NDFIP1: variants seen among roughly 807,000 people sequenced by gnomAD.
The protein encoded by NDFIP1 is Nedd4 family interacting protein 1.
NDFIP1 carries 7 observed loss-of-function variants against 28.8 expected under a neutral mutation model. The observed-to-expected ratio is 0.24, with a 90% CI of 0.14 to 0.46. The LOEUF is 0.46. Among genes scored for constraint, NDFIP1 ranks in the 20% least tolerant of loss-of-function variants. NDFIP1 has a pLI of 0.99. For missense variants in NDFIP1, 194 were observed against 269.1 expected, an observed-to-expected ratio of 0.72 and a Z score of 1.95; for synonymous variants, 92 against 101.0, an observed-to-expected ratio of 0.91 and a Z score of 0.53.
intron 1 of NDFIP1, among the ~76,000 whole-genome samples, chr5:142,116,354 C>CCTTCCT: frequency 1.9e-5 from 1 of 52,314 alleles, no homozygotes; most frequent in East Asian, 3.8e-4. Flanking sequence ...TTCCTTCTTT[C>CCTTCCT]TCTCTCTCTC....
chr5:142,141,377 C>T (rs1757328588), intron 6 of NDFIP1, among the ~76,000 whole-genome samples: 1 of 151,644 alleles, frequency 6.6e-6, no homozygotes, highest in Admixed American at 6.6e-5. Context: ...GGGGTTTTAC[C>T]GTGTTGGCCA....
Position 142,152,915 on chromosome 5 carries a change from A to G in NDFIP1, c.*1187A>G, listed in dbSNP as rs1757462166. 5.9e-6 allele frequency: 1 copy of G among 170,694 alleles called. No individual in the cohort carries two copies. Among genetic ancestry groups the G allele is most frequent in the Non-Finnish European group, 1.3e-5 (1 of 79,024 alleles). 10.6% of individuals were successfully genotyped at this position (170,694 alleles called of 1,614,324 possible). A position where few individuals can be genotyped will look rare whatever the true frequency, so the allele number is the denominator to read the frequency against. ...GTCAATTTTTTTCTTCATTTTCAGC[A>G]CAAGAAGTCCTCTTATATCCTACTA... On this transcript the variant is annotated 3_prime_UTR_variant, in exon 8 of 8. Transcript: ENST00000253814.
At chr5:142,149,952 C>T (rs187579613) in intron 7 of NDFIP1, among the ~76,000 whole-genome samples, 25 of 152,210 alleles carry the variant, frequency 1.6e-4, no homozygotes, top group East Asian at 5.8e-4. Context: ...GAAGCCAAGG[C>T]GGGCAGATCA....
At chr5:142,134,475 A>T (rs1427103420) in intron 3 of NDFIP1, among the ~76,000 whole-genome samples, 2 of 152,202 alleles carry the variant, frequency 1.3e-5, no homozygotes, top group African/African-American at 4.8e-5. Flanking sequence ...AATTTCAAAC[A>T]ATAGAGGAAG....
At chr5:142,123,270 G>T (rs2126913851) in intron 1 of NDFIP1, among the ~76,000 whole-genome samples, 1 of 152,090 alleles carries the variant, frequency 6.6e-6, no homozygotes, top group African/African-American at 2.4e-5. Context: ...GCCCAAACAA[G>T]TGATTTTTAA....
At chr5:142,111,512 A>G (rs1456131609) in intron 1 of NDFIP1, among the ~76,000 whole-genome samples, 3 of 152,142 alleles carry the variant, frequency 2.0e-5, no homozygotes, top group Non-Finnish European at 4.4e-5. Context: ...GCATTTTTAA[A>G]AGGCTTTTGA....
chr5:142,152,894 A>G lies in NDFIP1; in HGVS notation c.*1166A>G, dbSNP rs1757461987. 5.8e-6 allele frequency: 1 copy of G among 171,924 alleles called. No individual in the cohort carries two copies. Among genetic ancestry groups the G allele is most frequent in the Non-Finnish European group, 1.3e-5 (1 of 79,556 alleles). 10.6% of individuals were successfully genotyped at this position (171,924 alleles called of 1,614,324 possible). A position where few individuals can be genotyped will look rare whatever the true frequency, so the allele number is the denominator to read the frequency against. ...CGATTAAAAAACTAATGTTGGGTCA[A>G]TTTTTTTCTTCATTTTCAGCACAAG... On this transcript the variant is annotated 3_prime_UTR_variant, in exon 8 of 8. Coordinates refer to ENST00000253814, the MANE Select transcript of NDFIP1 (RefSeq NM_030571.4).
chr5:142,135,845 C>T (rs1238652244), intron 4 of NDFIP1, 28 bp downstream of exon 4: 2 of 1,505,352 alleles, frequency 1.3e-6, no homozygotes, highest in South Asian at 2.3e-5. Flanking sequence ...TCAGAACCAC[C>T]CCCTACAAAC....
In NDFIP1 at chr5:142,140,591, A is replaced by G; in HGVS notation, c.524A>G (p.Asp175Gly). ...RFSTYFPGYF[D>G]GQYWLWWVFL... is the part of the protein sequence containing the mutation. ...TCCACCTATTTCCCTGGATATTTTG[A>G]TGGTCAGTACTGGCTCTGGTGGGTG... is the stretch of plus-strand genomic sequence containing the variant. The change falls in exon 6 of 8, where the codon GAT becomes GGT. Residue 175 changes from aspartate (D) to glycine (G), a missense_variant. Coordinates refer to ENST00000253814, the MANE Select transcript of NDFIP1 (RefSeq NM_030571.4). 2 of 1,612,826 alleles carry G rather than the reference A, an allele frequency of 1.2e-6. No individual in the cohort carries two copies. The highest frequency in any genetic ancestry group is 1.7e-6 in the Non-Finnish European group (2 of 1,179,616).
chr5:142,135,894 A>C, intron 4 of NDFIP1, 77 bp downstream of exon 4: 2 of 1,015,002 alleles, frequency 2.0e-6, no homozygotes, highest in Non-Finnish European at 3.1e-6. Context: ...GACTGAATTA[A>C]AATAACTAGT....
At chr5:142,132,860 A>T (rs1460132248) in intron 3 of NDFIP1, among the ~76,000 whole-genome samples, 1 of 152,200 alleles carries the variant, frequency 6.6e-6, no homozygotes, top group African/African-American at 2.4e-5. Flanking sequence ...GGAGATTGGG[A>T]TGCCATATAA....
chr5:142,146,758 C>T lies in NDFIP1; in HGVS notation c.*2+2082C>T, dbSNP rs772398673. On this transcript the variant is annotated intron_variant, in intron 7 of 7. Coordinates refer to ENST00000253814, the MANE Select transcript of NDFIP1 (RefSeq NM_030571.4). ...TTATTAGGGGATTGCATACCTTCTTCATCTTGGTTCTAAGCATAAGAAATA... is the reference window on the plus strand; with the variant it reads ...TTATTAGGGGATTGCATACCTTCTTTATCTTGGTTCTAAGCATAAGAAATA... Among the ~76,000 whole-genome samples the T allele has an allele frequency of 3.7e-4, 57 of 152,156 alleles. 1 individual carries two copies. The highest frequency in any genetic ancestry group is 1.2e-3 in the Admixed American group (19 of 15,272).
At chr5:142,150,148 T>C (rs1314128226) in intron 7 of NDFIP1, among the ~76,000 whole-genome samples, 1 of 146,258 alleles carries the variant, frequency 6.8e-6, no homozygotes, top group Non-Finnish European at 1.5e-5. Context: ...GCCACTGCAC[T>C]CCAGCCTGGG....
At position 142,153,483 on chromosome 5, in the gene NDFIP1, G is replaced by C. The variant is rs762045032; in HGVS notation, c.*1755G>C. 3 of 452,354 alleles carry C rather than the reference G, an allele frequency of 6.6e-6. No homozygotes were observed. The highest frequency in any genetic ancestry group is 4.7e-5 in the South Asian group (3 of 63,956). The allele number at this position is 452,354 out of a possible 1,614,324, so 28.0% of individuals were successfully genotyped here. A position where few individuals can be genotyped will look rare whatever the true frequency, so the allele number is the denominator to read the frequency against. On this transcript the variant is annotated 3_prime_UTR_variant, in exon 8 of 8. Transcript: ENST00000253814. Reference sequence around the variant, plus strand: ...CAAACAGGAAAATTAGGAGCCTCCTGGATTGACATTTCAATGATCCCTCTA... The same window carrying C: ...CAAACAGGAAAATTAGGAGCCTCCTCGATTGACATTTCAATGATCCCTCTA...
At chr5:142,130,839 C>T (rs1175492552) in intron 1 of NDFIP1, among the ~76,000 whole-genome samples, 2 of 152,134 alleles carry the variant, frequency 1.3e-5, no homozygotes, top group East Asian at 1.9e-4. Context: ...TTCTAGGCCT[C>T]CTTTCCATTA....
intron 4 of NDFIP1, among the ~76,000 whole-genome samples, chr5:142,136,868 C>T (rs991323325): frequency 6.6e-6 from 1 of 151,020 alleles, no homozygotes; most frequent in Non-Finnish European, 1.5e-5. Context: ...AGGTTCAAGA[C>T]CAACCTGGCC....
chr5:142,136,113 T>A (rs1417890453), intron 4 of NDFIP1, among the ~76,000 whole-genome samples: 1 of 152,216 alleles, frequency 6.6e-6, no homozygotes, highest in Non-Finnish European at 1.5e-5. Context: ...TTTGCGTTGC[T>A]TCTACTCATA....
rs777375807 is a variant in NDFIP1, at chr5:142,153,216, A to G, written c.*1488A>G. 2.2e-6 allele frequency: 1 copy of G among 450,470 alleles called. No individual in the cohort carries two copies. Among genetic ancestry groups the G allele is most frequent in the South Asian group, 1.6e-5 (1 of 63,488 alleles). 27.9% of individuals were successfully genotyped at this position (450,470 alleles called of 1,614,324 possible). On this transcript the variant is annotated 3_prime_UTR_variant, in exon 8 of 8. Transcript: ENST00000253814. ...TCTCCTGATTTCTATTCTTGTCTCA[A>G]TCTTAAATTTAGAGACCAGTTGTTT...
chr5:142,115,939 A>G (rs1757062886), intron 1 of NDFIP1, among the ~76,000 whole-genome samples: 1 of 152,214 alleles, frequency 6.6e-6, no homozygotes, highest in African/African-American at 2.4e-5. Flanking sequence ...CATAGCATTT[A>G]CATTGTATTA....
Sources: gnomAD v4.1 joint callset for allele counts (sites outside exome capture counted in the v4.1 genomes callset) on GRCh38, gnomAD v4.1.1 for gene constraint, MANE v1.5 for transcripts, NCBI Gene and HGNC (gene_info 2026-07-23, HGNC 2026-07-21) for gene names.